The following DISP1 variants were observed in gnomAD, a reference collection of about 807,000 sequenced individuals.
DISP1 encodes dispatched RND transporter family member 1.
Under a neutral mutation model 37.3 loss-of-function variants are expected in DISP1, and 30 were observed. That is an observed-to-expected ratio of 0.80 (90% confidence interval 0.60 to 1.09). The LOEUF (loss-of-function observed/expected upper bound fraction) is 1.09, where lower values mean the gene tolerates loss of function less well. Among genes scored for constraint, DISP1 ranks in the 50% least tolerant of loss-of-function variants. The pLI, the probability that DISP1 is intolerant of heterozygous loss-of-function variation, is 0.00. For missense variants in DISP1, 1,598 were observed against 1,879.5 expected (o/e 0.85, Z 2.77); for synonymous variants, 634 against 690.2 (o/e 0.92, Z 1.28).
At chr1:222,899,869 T>A (rs1199206849) in intron 1 of DISP1, 2 of 152,240 alleles carry the variant, frequency 1.3e-5, no homozygotes, top group African/African-American at 2.4e-5. Flanking sequence ...ATTACAGGTA[T>A]GAGCCACCAT....
intron 1 of DISP1, among the ~76,000 whole-genome samples, chr1:222,829,146 A>G (rs1665130529): frequency 6.6e-6 from 1 of 152,192 alleles, no homozygotes; most frequent in Non-Finnish European, 1.5e-5. Flanking sequence ...TGCCCTCTAG[A>G]GGAAGAAAAA....
chr1:222,981,423 G>A (rs1677828943), intron 3 of DISP1, among the ~76,000 whole-genome samples: 1 of 152,130 alleles, frequency 6.6e-6, no homozygotes, highest in Middle Eastern at 3.2e-3. Context: ...CATCTCCTTG[G>A]TTTTAATATT....
At chr1:222,957,798 G>C (rs1397280837) in intron 3 of DISP1, among the ~76,000 whole-genome samples, 1 of 152,074 alleles carries the variant, frequency 6.6e-6, no homozygotes, top group Non-Finnish European at 1.5e-5. Flanking sequence ...CTTGTTTACT[G>C]AAATAACAAA....
intron 3 of DISP1, among the ~76,000 whole-genome samples, chr1:222,977,975 GA>G (rs1163572840): frequency 6.6e-6 from 1 of 152,076 alleles, no homozygotes; most frequent in African/African-American, 2.4e-5. Flanking sequence ...TTGCTATTGT[GA>G]ATAGTGCCAC....
intron 3 of DISP1, among the ~76,000 whole-genome samples, chr1:222,945,324 G>A (rs1490934955): frequency 6.6e-6 from 1 of 151,838 alleles, no homozygotes; most frequent in Non-Finnish European, 1.5e-5. Context: ...TGACCACATT[G>A]TGCTACATGG....
intron 3 of DISP1, among the ~76,000 whole-genome samples, chr1:222,981,112 G>C (rs1301678655): frequency 1.3e-5 from 2 of 152,206 alleles, no homozygotes; most frequent in Non-Finnish European, 2.9e-5. Flanking sequence ...GCTGTTCTTA[G>C]TGGAAACTCA....
rs1029577112 is a variant in DISP1 at position 222,991,599 on chromosome 1, C to T, written c.743C>T (p.Ala248Val). ...ATGGTGAAAAATACAGGATACAAAG[C>T]AACATTAGCAAATTATCCCTTTAAA... ...NNMVKNTGYK[A>V]TLANYPFKYA... The change falls in exon 6 of 9, where the codon GCA (alanine) becomes GTA (valine). Residue 248 changes from alanine (A) to valine (V), a missense_variant. Physicochemically the swap from Ala to Val is moderately conservative, Grantham distance 64 (BLOSUM62 0). Coordinates refer to ENST00000675850, the MANE Select transcript of DISP1 (RefSeq NM_001377229.1). The T allele has an allele frequency of 8.1e-6, 13 of 1,613,562 alleles. No individual in the cohort carries two copies. The Admixed American group carries it at 1.0e-4, about 12-fold the overall frequency.
chr1:222,869,542 C>G lies in DISP1; in HGVS notation c.-159+54464C>G, dbSNP rs560057645. On this transcript the variant is annotated intron_variant, in intron 1 of 8. Transcript: ENST00000675850. Reference sequence around the variant, plus strand: ...TTGTAACCAAGACTTGATTCAAGCACTGCATTTTAACAAGGGAATTCTTTC... The same window carrying G: ...TTGTAACCAAGACTTGATTCAAGCAGTGCATTTTAACAAGGGAATTCTTTC... 2.0e-5 allele frequency among the ~76,000 whole-genome samples: 3 copies of G among 152,188 alleles called. No individual in the cohort carries two copies. In the South Asian group the frequency reaches 6.2e-4, roughly 32 times the overall value.
At chr1:222,846,470 A>G (rs1247930329) in intron 1 of DISP1, among the ~76,000 whole-genome samples, 3 of 152,184 alleles carry the variant, frequency 2.0e-5, no homozygotes, top group Admixed American at 6.5e-5. Flanking sequence ...CAGCCTGGGC[A>G]ACAAGAGTGA....
At chr1:222,979,353 C>A (rs914914484) in intron 3 of DISP1, among the ~76,000 whole-genome samples, 1 of 151,994 alleles carries the variant, frequency 6.6e-6, no homozygotes, top group Non-Finnish European at 1.5e-5. Flanking sequence ...ATTGAGACTA[C>A]AGTGAGCTGG....
intron 1 of DISP1, among the ~76,000 whole-genome samples, chr1:222,860,691 C>T (rs1668830435): frequency 6.6e-6 from 1 of 151,872 alleles, no homozygotes; most frequent in Non-Finnish European, 1.5e-5. Context: ...TTGAGACCAG[C>T]CTGGCCAATA....
chr1:222,950,645 G>A (rs995303315), intron 3 of DISP1, among the ~76,000 whole-genome samples: 1 of 152,004 alleles, frequency 6.6e-6, no homozygotes, highest in African/African-American at 2.4e-5. Flanking sequence ...ACAAGATTGT[G>A]GGAGCGGAGG....
chr1:222,937,167 G>A (rs1673999993), intron 2 of DISP1, among the ~76,000 whole-genome samples: 1 of 148,700 alleles, frequency 6.7e-6, no homozygotes, highest in Non-Finnish European at 1.5e-5. Flanking sequence ...TCGGCTCACT[G>A]CAAGGTCCGC....
chr1:222,992,878 T>TTTTTTTTTTTTTTA (rs1678803004), intron 7 of DISP1, among the ~76,000 whole-genome samples: 1 of 149,576 alleles, frequency 6.7e-6, no homozygotes, highest in Non-Finnish European at 1.5e-5. Context: ...TTTTTTTTTT[T>TTTTTTTTTTTTTTA]GAGACAGAGT....
intron 2 of DISP1, among the ~76,000 whole-genome samples, chr1:222,941,216 C>T (rs1175089328): frequency 6.6e-6 from 1 of 152,154 alleles, no homozygotes; most frequent in Non-Finnish European, 1.5e-5. Context: ...AATACATTAA[C>T]TACTATTACT....
intron 1 of DISP1, among the ~76,000 whole-genome samples, chr1:222,880,352 C>CT (rs1380498257): frequency 4.6e-5 from 7 of 152,184 alleles, no homozygotes; most frequent in African/African-American, 9.6e-5. Context: ...ATTGTTCGTG[C>CT]TTTTCTATGT....
chr1:222,986,027 C>A (rs559398342), intron 4 of DISP1, among the ~76,000 whole-genome samples: 1 of 152,068 alleles, frequency 6.6e-6, no homozygotes, highest in South Asian at 2.1e-4. Flanking sequence ...AAAGAATACA[C>A]CAACGGGGAA....
At chr1:222,859,521 G>C (rs903211146) in intron 1 of DISP1, among the ~76,000 whole-genome samples, 5 of 152,144 alleles carry the variant, frequency 3.3e-5, no homozygotes, top group African/African-American at 1.2e-4. Context: ...AATTCTCAGA[G>C]ATAAGAGAAG....
chr1:222,960,656 C>A (rs781649366), intron 3 of DISP1, among the ~76,000 whole-genome samples: 1 of 151,304 alleles, frequency 6.6e-6, no homozygotes, highest in East Asian at 1.9e-4. Flanking sequence ...CATGAAAAAC[C>A]CTGCAAAAAA....
Sources: allele counts gnomAD v4.1 joint callset (sites outside exome capture counted in the v4.1 genomes callset), GRCh38; gene constraint gnomAD v4.1.1; transcripts MANE v1.5; gene names NCBI Gene and HGNC (gene_info 2026-07-23, HGNC 2026-07-21).